TDP1: variants seen among roughly 807,000 people sequenced by gnomAD.
TDP1 encodes tyrosyl-DNA phosphodiesterase 1.
In TDP1, 64 loss-of-function variants were observed where a neutral mutation model predicts 81.5. The ratio of observed to expected loss-of-function variants is 0.79; its 90% CI spans 0.64 to 0.97. The LOEUF (loss-of-function observed/expected upper bound fraction) is 0.97, where lower values mean the gene tolerates loss of function less well. Among genes scored for constraint, TDP1 ranks in the 50% least tolerant of loss-of-function variants. The pLI, the probability that TDP1 is intolerant of heterozygous loss-of-function variation, is 0.00. For missense variants in TDP1, 723 were observed against 743.8 expected (o/e 0.97, Z 0.33); for synonymous variants, 256 against 264.3 (o/e 0.97, Z 0.30).
At chr14:90,015,080 T>C (rs1885157839) in intron 14 of TDP1, among the ~76,000 whole-genome samples, 1 of 152,188 alleles carries the variant, frequency 6.6e-6, no homozygotes, top group African/African-American at 2.4e-5. Flanking sequence ...CATTGTAGAC[T>C]CTAGCCTGGA....
chr14:89,969,308 C>T (rs1007734957), intron 5 of TDP1, among the ~76,000 whole-genome samples: 1 of 152,162 alleles, frequency 6.6e-6, no homozygotes, highest in Non-Finnish European at 1.5e-5. Context: ...TTGCCAAATG[C>T]ATCTTGGGAA....
intron 15 of TDP1, among the ~76,000 whole-genome samples, chr14:90,023,753 G>A (rs543421665): frequency 2.0e-5 from 3 of 151,942 alleles, no homozygotes; most frequent in Middle Eastern, 3.2e-3. Context: ...GTACAGAGCT[G>A]CAGTCTCCAC....
intron 6 of TDP1, among the ~76,000 whole-genome samples, chr14:89,973,981 T>C (rs1896967049): frequency 6.6e-6 from 1 of 152,136 alleles, no homozygotes; most frequent in African/African-American, 2.4e-5. Context: ...GCAGTCCTGT[T>C]GGATCAGGAT....
intron 15 of TDP1, among the ~76,000 whole-genome samples, chr14:90,020,369 T>TCCCC (rs1885842936): frequency 2.5e-5 from 1 of 40,478 alleles, no homozygotes; most frequent in African/African-American, 8.0e-5. Flanking sequence ...CCTCCCTCCC[T>TCCCC]CCCTCCCTTC....
chr14:89,975,881 C>T, intron 7 of TDP1, 66 bp downstream of exon 7: 2 of 1,338,150 alleles, frequency 1.5e-6, no homozygotes, highest in Non-Finnish European at 2.2e-6. Context: ...CACGGTTATT[C>T]TTAGGAGAGA....
intron 14 of TDP1, among the ~76,000 whole-genome samples, chr14:89,998,328 CAT>C (rs1896811812): frequency 7.4e-6 from 1 of 135,524 alleles, no homozygotes; most frequent in Non-Finnish European, 1.5e-5. Flanking sequence ...TCAGAGCTAA[CAT>C]GTAGTTCTTA....
chr14:90,023,138 G>T, intron 15 of TDP1: 1 of 733,034 alleles, frequency 1.4e-6, no homozygotes, highest in South Asian at 1.4e-5. Context: ...ACAACAACTA[G>T]GGTGTGGGGC....
chr14:90,026,858 A>T (rs1279875311), intron 15 of TDP1, among the ~76,000 whole-genome samples: 1 of 152,174 alleles, frequency 6.6e-6, no homozygotes, highest in Non-Finnish European at 1.5e-5. Flanking sequence ...CCAGTCTATC[A>T]TTGATGGACA....
At chr14:90,016,690 C>G (rs958106845) in intron 14 of TDP1, among the ~76,000 whole-genome samples, 1 of 152,200 alleles carries the variant, frequency 6.6e-6, no homozygotes, top group Non-Finnish European at 1.5e-5. Flanking sequence ...TAACCAGCTC[C>G]TACAATTACA....
intron 2 of TDP1, 153 bp downstream of exon 2, chr14:89,956,953 T>C (rs1365335816): frequency 2.0e-5 from 3 of 152,226 alleles, no homozygotes; most frequent in Non-Finnish European, 4.4e-5. Flanking sequence ...TGGGGTCCCA[T>C]TGATCATTGC....
chr14:89,968,012 G>A (rs1443338980), intron 5 of TDP1, among the ~76,000 whole-genome samples: 2 of 152,174 alleles, frequency 1.3e-5, no homozygotes, highest in African/African-American at 4.8e-5. Context: ...ATAACAGCAA[G>A]TAGGATGGAG....
chr14:89,980,474 A>G, intron 7 of TDP1, 66 bp from the exon 8 acceptor site: 1 of 1,509,420 alleles, frequency 6.6e-7, no homozygotes, highest in East Asian at 2.3e-5. Context: ...TTACATTTGC[A>G]TTGGAAAGGT....
intron 3 of TDP1, 106 bp from the exon 4 acceptor site, chr14:89,966,041 C>A: frequency 1.0e-6 from 1 of 1,000,582 alleles, no homozygotes; most frequent in African/African-American, 1.6e-5. Context: ...TTACTGTGTT[C>A]TGAGTCAGAT....
chr14:90,013,761 A>G (rs7143191), intron 14 of TDP1, among the ~76,000 whole-genome samples: 11,336 of 152,246 alleles, frequency 0.074, 1,015 homozygotes, highest in African/African-American at 0.22. Flanking sequence ...ATTAAATCTT[A>G]GGGGCAGTTT....
At chr14:90,039,820 G>A (rs1369626825) in intron 16 of TDP1, among the ~76,000 whole-genome samples, 1 of 152,104 alleles carries the variant, frequency 6.6e-6, no homozygotes, top group Non-Finnish European at 1.5e-5. Context: ...ATGAGCACTT[G>A]ACATGAATTA....
At chr14:89,996,223 A>G (rs978842745) in intron 14 of TDP1, among the ~76,000 whole-genome samples, 4 of 152,046 alleles carry the variant, frequency 2.6e-5, no homozygotes. Context: ...TCATTGTTCC[A>G]TGTTCAGAAT....
chr14:90,013,043 CTG>C (rs1884902069), intron 14 of TDP1, among the ~76,000 whole-genome samples: 1 of 152,194 alleles, frequency 6.6e-6, no homozygotes, highest in South Asian at 2.1e-4. Context: ...TTTAGAATGG[CTG>C]TGTTTACCCA....
chr14:89,976,698 G>A (rs947007772), intron 7 of TDP1, among the ~76,000 whole-genome samples: 1 of 151,674 alleles, frequency 6.6e-6, no homozygotes, highest in African/African-American at 2.4e-5. Flanking sequence ...CACCACACCT[G>A]GCTAACTTTT....
intron 15 of TDP1, among the ~76,000 whole-genome samples, chr14:90,021,202 T>C (rs1407329272): frequency 6.6e-6 from 1 of 152,164 alleles, no homozygotes; most frequent in African/African-American, 2.4e-5. Context: ...CTCTCTCCTC[T>C]TCTCACCAGT....
Sources: gnomAD v4.1 joint callset for allele counts (sites outside exome capture counted in the v4.1 genomes callset) on GRCh38, gnomAD v4.1.1 for gene constraint, MANE v1.5 for transcripts, NCBI Gene and HGNC (gene_info 2026-07-23, HGNC 2026-07-21) for gene names.